NRG3: variants seen among roughly 807,000 people sequenced by gnomAD.
NRG3 encodes the protein neuregulin 3, also known as pro-neuregulin-3, membrane-bound isoform.
Under a neutral mutation model 66.9 loss-of-function variants are expected in NRG3, and 31 were observed. The observed-to-expected ratio is 0.46, with a 90% CI of 0.35 to 0.63. The LOEUF (loss-of-function observed/expected upper bound fraction) is 0.63, where lower values mean the gene tolerates loss of function less well. Among genes scored for constraint, NRG3 ranks in the 20% least tolerant of loss-of-function variants. The pLI is 0.00. For missense variants in NRG3, 910 were observed against 878.9 expected, an observed-to-expected ratio of 1.04 and a Z score of -0.45; for synonymous variants, 393 against 359.4, an observed-to-expected ratio of 1.09 and a Z score of -1.06.
intron 2 of NRG3, among the ~76,000 whole-genome samples, chr10:82,572,429 A>G (rs2045792954): frequency 1.3e-5 from 2 of 151,886 alleles, no homozygotes; most frequent in South Asian, 4.1e-4. Flanking sequence ...AGACCTCCAA[A>G]TGGAACAAAC....
intron 1 of NRG3, among the ~76,000 whole-genome samples, chr10:82,293,802 A>G (rs1234725129): frequency 6.6e-6 from 1 of 152,170 alleles, no homozygotes; most frequent in Non-Finnish European, 1.5e-5. Context: ...CAGCCTCTTA[A>G]TATCTCGTAA....
chr10:82,572,802 G>T (rs1029904386), intron 2 of NRG3, among the ~76,000 whole-genome samples: 3 of 151,726 alleles, frequency 2.0e-5, no homozygotes, highest in African/African-American at 7.3e-5. Context: ...CAAGTCAAGG[G>T]TGTGAGGAGC....
At chr10:82,976,960 G>T (rs916996123) in intron 7 of NRG3, among the ~76,000 whole-genome samples, 1 of 152,080 alleles carries the variant, frequency 6.6e-6, no homozygotes, top group African/African-American at 2.4e-5. Flanking sequence ...CTCATTTATT[G>T]CTTTTTTTGC....
chr10:82,056,534 A>G (rs1011548274), intron 1 of NRG3, among the ~76,000 whole-genome samples: 10 of 152,164 alleles, frequency 6.6e-5, no homozygotes, highest in Non-Finnish European at 8.8e-5. Flanking sequence ...TATTGGAAGG[A>G]TCGTCAAACT....
chr10:82,541,188 T>TTA (rs1341473418), intron 2 of NRG3, among the ~76,000 whole-genome samples: 2 of 152,192 alleles, frequency 1.3e-5, no homozygotes, highest in African/African-American at 4.8e-5. Flanking sequence ...AAACTAATAC[T>TTA]TATTGGTAGA....
intron 1 of NRG3, among the ~76,000 whole-genome samples, chr10:82,341,198 A>G (rs986719695): frequency 6.6e-6 from 1 of 152,114 alleles, no homozygotes; most frequent in South Asian, 2.1e-4. Context: ...ATGAACTACT[A>G]AAAAACGATG....
intron 1 of NRG3, among the ~76,000 whole-genome samples, chr10:82,146,604 C>A (rs1051729721): frequency 1.3e-5 from 2 of 152,068 alleles, no homozygotes; most frequent in African/African-American, 4.8e-5. Flanking sequence ...TGGAGAGATG[C>A]AGAGTGTGGT....
chr10:81,901,509 A>G (rs1844064910), intron 1 of NRG3, among the ~76,000 whole-genome samples: 1 of 152,092 alleles, frequency 6.6e-6, no homozygotes. Context: ...CTCTACAAAA[A>G]TGAAAAAAAT....
intron 2 of NRG3, among the ~76,000 whole-genome samples, chr10:82,477,611 G>A (rs769661709): frequency 2.0e-5 from 3 of 152,126 alleles, no homozygotes; most frequent in Admixed American, 6.5e-5. Context: ...ACCTTCAGAT[G>A]GTGGCATTTA....
chr10:82,252,815 G>A (rs1171061461), intron 1 of NRG3, among the ~76,000 whole-genome samples: 1 of 151,996 alleles, frequency 6.6e-6, no homozygotes, highest in Non-Finnish European at 1.5e-5. Context: ...AATGCCTCTG[G>A]CTCCAGCTTG....
At chr10:82,761,873 TTTC>T (rs1405785971) in intron 3 of NRG3, among the ~76,000 whole-genome samples, 3 of 151,578 alleles carry the variant, frequency 2.0e-5, no homozygotes, top group African/African-American at 4.8e-5. Context: ...TTTTCCTTTT[TTTC>T]TTCTTTCTTC....
At chr10:82,452,940 C>G (rs888230239) in intron 2 of NRG3, among the ~76,000 whole-genome samples, 2 of 152,102 alleles carry the variant, frequency 1.3e-5, no homozygotes, top group African/African-American at 4.8e-5. Context: ...GTCACATGAT[C>G]CCACTTAGAT....
At chr10:82,159,137 T>G (rs2132914751) in intron 1 of NRG3, among the ~76,000 whole-genome samples, 1 of 152,006 alleles carries the variant, frequency 6.6e-6, no homozygotes, top group African/African-American at 2.4e-5. Context: ...AGGCTGCAAG[T>G]TACAGATTAG....
At chr10:82,798,634 A>T (rs879748746) in intron 3 of NRG3, among the ~76,000 whole-genome samples, 2 of 152,332 alleles carry the variant, frequency 1.3e-5, no homozygotes, top group Non-Finnish European at 2.9e-5. Flanking sequence ...AGAAAATTTT[A>T]TAATTTATTT....
At chr10:82,439,989 T>TATTCAGCTGTTTAATATTAC (rs1467149171) in intron 2 of NRG3, among the ~76,000 whole-genome samples, 11 of 152,098 alleles carry the variant, frequency 7.2e-5, no homozygotes, top group Non-Finnish European at 1.5e-4. Context: ...CATTGTACGT[T>TATTCAGCTGTTTAATATTAC]ATTCAGCTGT....
chr10:82,862,421 A>T (rs1177570978), intron 3 of NRG3, among the ~76,000 whole-genome samples: 1 of 152,212 alleles, frequency 6.6e-6, no homozygotes, highest in African/African-American at 2.4e-5. Context: ...TTAATATCAA[A>T]AAACACCCCT....
At chr10:82,370,943 C>G in intron 2 of NRG3, among the ~76,000 whole-genome samples, 1 of 145,860 alleles carries the variant, frequency 6.9e-6, no homozygotes, top group Non-Finnish European at 1.5e-5. Flanking sequence ...TAAAATCCAC[C>G]TTACAAACAC....
At chr10:82,329,225 T>A (rs2082020352) in intron 1 of NRG3, among the ~76,000 whole-genome samples, 1 of 151,410 alleles carries the variant, frequency 6.6e-6, no homozygotes, top group Admixed American at 6.6e-5. Flanking sequence ...GCTGTCAAAC[T>A]TTTTAAAAAA....
Position 82,454,791 on chromosome 10 carries a change from A to G in NRG3, c.953+95923A>G, listed in dbSNP as rs1345328903. 2.0e-5 allele frequency among the ~76,000 whole-genome samples: 3 copies of G among 152,230 alleles called. No individual in the cohort carries two copies. The East Asian group carries it at 5.8e-4, about 29-fold the overall frequency. ...CAAAAAGTTAACAATGAAATCAACT[A>G]TAGAGGCAAATTGTATATTTGGGAA... On this transcript the variant is annotated intron_variant, in intron 2 of 8. Transcript: ENST00000372141.
Sources: gnomAD v4.1 joint callset for allele counts (sites outside exome capture counted in the v4.1 genomes callset) on GRCh38, gnomAD v4.1.1 for gene constraint, MANE v1.5 for transcripts, NCBI Gene and HGNC (gene_info 2026-07-23, HGNC 2026-07-21) for gene names.